The following TBXAS1 variants were observed in gnomAD, a reference collection of about 807,000 sequenced individuals.
The protein encoded by TBXAS1 is thromboxane A synthase 1.
TBXAS1 carries 48 observed loss-of-function variants against 60.7 expected under a neutral mutation model. The ratio of observed to expected loss-of-function variants is 0.79; its 90% CI spans 0.63 to 1.01. TBXAS1 has a LOEUF of 1.01. Among genes scored for constraint, TBXAS1 ranks in the 50% least tolerant of loss-of-function variants. The pLI is 0.00. For missense variants in TBXAS1, 685 were observed against 686.3 expected (o/e 1.00, Z 0.02); for synonymous variants, 287 against 269.7 (o/e 1.06, Z -0.63).
At chr7:139,952,476 T>C (rs779219137) in intron 5 of TBXAS1, 43 of 1,479,154 alleles carry the variant, frequency 2.9e-5, no homozygotes, top group African/African-American at 5.6e-5. Flanking sequence ...AATGATGTAT[T>C]AGAGCACGTT....
At chr7:140,011,218 A>G (rs1245757159) in intron 10 of TBXAS1, among the ~76,000 whole-genome samples, 2 of 151,928 alleles carry the variant, frequency 1.3e-5, no homozygotes, top group East Asian at 3.9e-4. Flanking sequence ...CGGAGGTTGC[A>G]GTGAGCCAAG....
At chr7:139,957,860 T>A in intron 8 of TBXAS1, 96 bp downstream of exon 8, 1 of 1,553,158 alleles carries the variant, frequency 6.4e-7, no homozygotes, top group East Asian at 2.3e-5. Context: ...GCCCCGCACA[T>A]CACACCGTGC....
intron 5 of TBXAS1, among the ~76,000 whole-genome samples, chr7:139,941,967 G>A (rs1808327202): frequency 6.6e-6 from 1 of 152,116 alleles, no homozygotes; most frequent in Non-Finnish European, 1.5e-5. Flanking sequence ...AGAACACAGT[G>A]GAATCTATAT....
intron 1 of TBXAS1, among the ~76,000 whole-genome samples, chr7:139,868,317 T>C (rs1296458296): frequency 2.6e-5 from 4 of 152,120 alleles, no homozygotes; most frequent in African/African-American, 9.7e-5. Flanking sequence ...TTTTTTACAA[T>C]GACAATTTTT....
At chr7:139,798,475 G>A (rs1171393518) in intron 4 of TBXAS1, among the ~76,000 whole-genome samples, 4 of 152,222 alleles carry the variant, frequency 2.6e-5, no homozygotes, top group Admixed American at 2.6e-4. Flanking sequence ...ACACGTGGAA[G>A]CGAGAGCAGG....
At chr7:139,995,505 C>G (rs1479039838) in intron 9 of TBXAS1, among the ~76,000 whole-genome samples, 1 of 152,110 alleles carries the variant, frequency 6.6e-6, no homozygotes, top group African/African-American at 2.4e-5. Flanking sequence ...CGTGGCCATG[C>G]TGCATCAGAC....
intron 3 of TBXAS1, among the ~76,000 whole-genome samples, chr7:139,877,329 T>C (rs548999426): frequency 1.7e-4 from 26 of 152,382 alleles, no homozygotes; most frequent in Non-Finnish European, 3.2e-4. Context: ...TTAAGCGTGA[T>C]AGGTGCTCGA....
At chr7:139,970,695 G>T (rs42334) in intron 9 of TBXAS1, among the ~76,000 whole-genome samples, 128,387 of 152,214 alleles carry the variant, frequency 0.84, 54,370 homozygotes, top group Non-Finnish European at 0.89. Context: ...CCTAATACAT[G>T]TTAGAAGTGT....
chr7:139,891,688 T>C (rs1210800245), intron 3 of TBXAS1, among the ~76,000 whole-genome samples: 2 of 152,224 alleles, frequency 1.3e-5, no homozygotes, highest in African/African-American at 4.8e-5. Flanking sequence ...TGTGCTGCTA[T>C]TTCCAGTGCC....
At chr7:139,815,855 T>C (rs980140587) in intron 4 of TBXAS1, among the ~76,000 whole-genome samples, 3 of 152,168 alleles carry the variant, frequency 2.0e-5, no homozygotes, top group Admixed American at 2.0e-4. Context: ...AAGAACCAAG[T>C]TGGAAACAGT....
chr7:139,807,763 G>A (rs915804181), intron 4 of TBXAS1, among the ~76,000 whole-genome samples: 2 of 151,910 alleles, frequency 1.3e-5, no homozygotes, highest in Non-Finnish European at 2.9e-5. Context: ...AGCGATCCTC[G>A]TGCCTAAACC....
intron 7 of TBXAS1, among the ~76,000 whole-genome samples, chr7:139,956,586 A>T (rs1023572785): frequency 6.6e-6 from 1 of 152,190 alleles, no homozygotes; most frequent in Admixed American, 6.5e-5. Flanking sequence ...TGGGCTGGTA[A>T]ATTCCATTCA....
chr7:139,969,945 G>A (rs928392366), intron 9 of TBXAS1, among the ~76,000 whole-genome samples: 4 of 152,198 alleles, frequency 2.6e-5, no homozygotes, highest in Non-Finnish European at 4.4e-5. Flanking sequence ...AAAGAACAGC[G>A]TCACTGCAGC....
intron 10 of TBXAS1, among the ~76,000 whole-genome samples, chr7:140,014,300 G>A (rs1814847793): frequency 6.6e-6 from 1 of 152,212 alleles, no homozygotes; most frequent in South Asian, 2.1e-4. Context: ...GAAACAGAAG[G>A]AGGAGAAGAT....
chr7:139,845,176 C>A lies in TBXAS1; in HGVS notation c.89+15697C>A, dbSNP rs373976901. Among the ~76,000 whole-genome samples, 7 of 152,290 alleles carry A rather than the reference C, an allele frequency of 4.6e-5. No homozygotes were observed. In the South Asian group the frequency reaches 1.5e-3, roughly 32 times the overall value. ...TCCCACGGGTCTCCCTGCCTTCTAT[C>A]TTGTGCTCCCCTAATTTGTCCTGCA... On this transcript the variant is annotated intron_variant, in intron 1 of 12. Transcript: ENST00000448866.
In TBXAS1 at chr7:140,018,559, C is replaced by T. The variant is rs181127275; in HGVS notation, c.1527+726C>T. The stretch of plus-strand genomic sequence containing the variant: ...TCACCCACTTTTCCAGCCCTATCTC[C>T]CCCCCACATCACACACTCCAGAACC... On this transcript the variant is annotated intron_variant, in intron 12 of 12. Transcript: ENST00000448866. Among the ~76,000 whole-genome samples the T allele has an allele frequency of 8.9e-4, 135 of 152,218 alleles. No individual in the cohort carries two copies. In the Middle Eastern group the frequency reaches 0.02, roughly 23 times the overall value.
intron 1 of TBXAS1, among the ~76,000 whole-genome samples, chr7:139,841,346 C>T (rs1202632688): frequency 6.6e-6 from 1 of 152,116 alleles, no homozygotes; most frequent in Non-Finnish European, 1.5e-5. Context: ...CAGGCAAAGA[C>T]AACATTAGTG....
At chr7:139,875,502 G>T in intron 2 of TBXAS1, 83 bp from the exon 3 acceptor site, 1 of 1,153,574 alleles carries the variant, frequency 8.7e-7, no homozygotes. Flanking sequence ...TATTCTTGCT[G>T]TTCCAAATTG....
intron 9 of TBXAS1, among the ~76,000 whole-genome samples, chr7:139,976,869 C>T (rs1246669507): frequency 1.3e-5 from 2 of 152,204 alleles, no homozygotes; most frequent in African/African-American, 4.8e-5. Context: ...CCTCCACATC[C>T]TTACTGGAGC....
Sources: allele counts gnomAD v4.1 joint callset (sites outside exome capture counted in the v4.1 genomes callset), GRCh38; gene constraint gnomAD v4.1.1; transcripts MANE v1.5; gene names NCBI Gene and HGNC (gene_info 2026-07-23, HGNC 2026-07-21).